Variants in PLEK2 observed in about 807,000 individuals in gnomAD.
PLEK2 encodes the protein pleckstrin 2, also known as pleckstrin-2.
PLEK2 carries 29 observed loss-of-function variants against 43.8 expected under a neutral mutation model. The ratio of observed to expected loss-of-function variants is 0.66; its 90% CI spans 0.49 to 0.90. The LOEUF (loss-of-function observed/expected upper bound fraction) is 0.90. Ranked by LOEUF, PLEK2 falls within the 40% of genes least tolerant of loss-of-function variation. PLEK2 has a pLI of 0.00. For missense variants in PLEK2, 398 were observed against 448.1 expected, an observed-to-expected ratio of 0.89 and a Z score of 1.01; for synonymous variants, 162 against 173.2, an observed-to-expected ratio of 0.94 and a Z score of 0.51.
At chr14:67,397,850 G>C (rs772148848) in intron 1 of PLEK2, 24 bp from the exon 2 acceptor site, 1 of 1,587,940 alleles carries the variant, frequency 6.3e-7, no homozygotes, top group South Asian at 1.2e-5. Context: ...AGAAAGCCCT[G>C]AGGTGAGGCG....
chr14:67,400,671 G>A (rs1030476559), intron 1 of PLEK2, among the ~76,000 whole-genome samples: 2 of 151,964 alleles, frequency 1.3e-5, no homozygotes, highest in Admixed American at 1.3e-4. Context: ...AGGGAGGTGG[G>A]AGGTGGAGTA....
chr14:67,389,386 C>T (rs1348854267), intron 7 of PLEK2, among the ~76,000 whole-genome samples: 1 of 152,100 alleles, frequency 6.6e-6, no homozygotes, highest in Non-Finnish European at 1.5e-5. Flanking sequence ...GAGGGGCATT[C>T]AGCCTAAACA....
intron 1 of PLEK2, among the ~76,000 whole-genome samples, chr14:67,399,300 GAGA>G: frequency 6.6e-6 from 1 of 151,188 alleles, no homozygotes; most frequent in Non-Finnish European, 1.5e-5. Context: ...CAGGAATAAA[GAGA>G]AGGGTAGTTT....
At position 67,388,319 on chromosome 14, in the gene PLEK2, A is replaced by G; in HGVS notation, c.856-17T>C. Reference sequence around the variant, plus strand: ...GTTCTCTTCCTGTAGAGGAAAGGAGACCCAATTAGGAATTTGTGAATGAAC... The same window carrying G: ...GTTCTCTTCCTGTAGAGGAAAGGAGGCCCAATTAGGAATTTGTGAATGAAC... On this transcript the variant is annotated splice_polypyrimidine_tract_variant and intron_variant, in intron 7 of 8. Transcript: ENST00000216446. 1 of 1,552,152 alleles carries G rather than the reference A, an allele frequency of 6.4e-7. No homozygotes were observed. Among genetic ancestry groups the G allele is most frequent in the Non-Finnish European group, 8.9e-7 (1 of 1,123,650 alleles).
chr14:67,388,020 T>C (rs1340939287), intron 8 of PLEK2, among the ~76,000 whole-genome samples: 1 of 152,228 alleles, frequency 6.6e-6, no homozygotes, highest in Non-Finnish European at 1.5e-5. Flanking sequence ...ATTATTAACA[T>C]AAGGATTACT....
chr14:67,412,012 A>G lies in PLEK2; in HGVS notation c.42+6T>C. ...GGCAATGTCCCGAAGCTCGACGCGC[A>G]CTCACCCTCTTGACCAGGAAGCCCT... On this transcript the variant is annotated splice_donor_region_variant and intron_variant, in intron 1 of 8. Transcript: ENST00000216446. 6.5e-7 allele frequency: 1 copy of G among 1,549,624 alleles called. No homozygotes were observed. The highest frequency in any genetic ancestry group is 8.7e-7 in the Non-Finnish European group (1 of 1,149,886).
In PLEK2 at chr14:67,392,847, A is replaced by T; in HGVS notation, c.484T>A (p.Ser162Thr). Reference sequence around the variant, plus strand: ...GAGATGAGCCAGTCCACCAGGGAGGAGCCTGGCCAAGGGCAGCACCAGTCA... The same window carrying T: ...GAGATGAGCCAGTCCACCAGGGAGGTGCCTGGCCAAGGGCAGCACCAGTCA... ...GSTYKKTFLG[S>T]SLVDWLISNS... The change falls in exon 5 of 9, where the codon TCC becomes ACC. Residue 162 changes from serine to threonine, a missense_variant and splice_region_variant. Coordinates refer to ENST00000216446, the MANE Select transcript of PLEK2 (RefSeq NM_016445.3). 1 of 1,608,446 alleles carries T rather than the reference A, an allele frequency of 6.2e-7. No individual in the cohort carries two copies. Among genetic ancestry groups the T allele is most frequent in the Non-Finnish European group, 8.5e-7 (1 of 1,176,296 alleles).
intron 1 of PLEK2, among the ~76,000 whole-genome samples, chr14:67,402,611 C>T (rs1365983726): frequency 6.6e-6 from 1 of 152,180 alleles, no homozygotes; most frequent in Non-Finnish European, 1.5e-5. Flanking sequence ...GGTAACCATC[C>T]TTCTACTCTC....
At chr14:67,395,661 C>T (rs1042718515) in intron 2 of PLEK2, 78 bp from the exon 3 acceptor site, 86 of 1,231,482 alleles carry the variant, frequency 7.0e-5, no homozygotes, top group African/African-American at 1.2e-4. Context: ...GACGGGGCCC[C>T]GGGAGAATCT....
chr14:67,398,710 C>A (rs572890375), intron 1 of PLEK2, among the ~76,000 whole-genome samples: 6 of 152,128 alleles, frequency 3.9e-5, no homozygotes, highest in Non-Finnish European at 8.8e-5. Context: ...GCGTGTGCCA[C>A]CACACCCGGC....
Position 67,397,811 on chromosome 14 carries a change from TGTG to T in PLEK2, c.55_57del (p.His19del). ...AGGATGAACCATCGCGCCTTCCAGT[TGTG>T]GACAATGTGGCCCTATGGACAGACA... On this transcript the variant is annotated inframe_deletion, in exon 2 of 9. Coordinates refer to ENST00000216446, the MANE Select transcript of PLEK2 (RefSeq NM_016445.3). 6.2e-7 allele frequency: 1 copy of T among 1,611,066 alleles called. No homozygotes were observed. Among genetic ancestry groups the T allele is most frequent in the Non-Finnish European group, 8.5e-7 (1 of 1,178,568 alleles).
chr14:67,411,214 T>G (rs2086113104), intron 1 of PLEK2, among the ~76,000 whole-genome samples: 1 of 152,050 alleles, frequency 6.6e-6, no homozygotes, highest in Non-Finnish European at 1.5e-5. Flanking sequence ...GCTGCTCTTT[T>G]GTTCATCTTC....
rs561941518 is a variant in PLEK2 at position 67,391,634 on chromosome 14, G to A, written c.771+692C>T. ...TCTGTGCAGACACACACATTCACAT[G>A]GTATACAATATGTGCACAAACACGA... is the stretch of plus-strand genomic sequence containing the variant. On this transcript the variant is annotated intron_variant, in intron 6 of 8. Transcript: ENST00000216446. Among the ~76,000 whole-genome samples, 19 of 152,306 alleles carry A rather than the reference G, an allele frequency of 1.2e-4. No homozygotes were observed. In the South Asian group the frequency reaches 3.9e-3, roughly 32 times the overall value.
chr14:67,400,419 G>T (rs2086040205), intron 1 of PLEK2, among the ~76,000 whole-genome samples: 1 of 152,134 alleles, frequency 6.6e-6, no homozygotes, highest in African/African-American at 2.4e-5. Flanking sequence ...CATGTTTAAA[G>T]AAACAAAAAA....
rs1395510788 is a variant in PLEK2, at chr14:67,412,099, C to A, written c.-40G>T. On this transcript the variant is annotated 5_prime_UTR_variant, in exon 1 of 9. Coordinates refer to ENST00000216446, the MANE Select transcript of PLEK2 (RefSeq NM_016445.3). ...GCCAGGGCCACCCCAGGTGCGCCTT[C>A]CCCGCGCCTCGCGCTCCTCGGCACC... is the stretch of plus-strand genomic sequence containing the variant. 1 of 1,480,706 alleles carries A rather than the reference C, an allele frequency of 6.8e-7. No individual in the cohort carries two copies. Among genetic ancestry groups the A allele is most frequent in the Non-Finnish European group, 9.0e-7 (1 of 1,116,566 alleles). 91.7% of individuals were successfully genotyped at this position (1,480,706 alleles called of 1,614,324 possible).
intron 1 of PLEK2, among the ~76,000 whole-genome samples, chr14:67,410,574 C>A (rs2086109836): frequency 6.6e-6 from 1 of 152,184 alleles, no homozygotes; most frequent in African/African-American, 2.4e-5. Context: ...CAGCTTCTAC[C>A]CTCCTTGCTT....
intron 1 of PLEK2, among the ~76,000 whole-genome samples, chr14:67,408,575 A>G (rs2086097216): frequency 6.6e-6 from 1 of 152,146 alleles, no homozygotes; most frequent in Non-Finnish European, 1.5e-5. Context: ...AAATTTGGAC[A>G]CTAAGAGACA....
At chr14:67,392,127 A>T (rs2139845350) in intron 6 of PLEK2, among the ~76,000 whole-genome samples, 199 bp downstream of exon 6, 1 of 152,244 alleles carries the variant, frequency 6.6e-6, no homozygotes, top group South Asian at 2.1e-4. Flanking sequence ...TGTGTCTGGT[A>T]CACATGTGTG....
rs2085978909 is a variant in PLEK2, at chr14:67,392,788, C to T, written c.543G>A (p.Val181=). 1 of 1,613,906 alleles carries T rather than the reference C, an allele frequency of 6.2e-7. No individual in the cohort carries two copies. The highest frequency in any genetic ancestry group is 8.5e-7 in the Non-Finnish European group (1 of 1,179,908). Residue 181 remains valine (V), a synonymous_variant, in exon 5 of 9, where the codon GTG becomes GTA. Transcript: ENST00000216446. ...CCTCCATGAGCATGGAGGCCAGGGT[C>T]ACCGCCTCCAGACGGCTGGCCGTGA... ...NSFTASRLEA[V]TLASMLMEEN...
Sources: gnomAD v4.1 joint callset for allele counts (sites outside exome capture counted in the v4.1 genomes callset) on GRCh38, gnomAD v4.1.1 for gene constraint, MANE v1.5 for transcripts, NCBI Gene and HGNC (gene_info 2026-07-23, HGNC 2026-07-21) for gene names.